The following DPP10 variants were observed in gnomAD, a reference collection of about 807,000 sequenced individuals.
The protein encoded by DPP10 is dipeptidyl peptidase like 10.
In DPP10, 33 loss-of-function variants were observed where a neutral mutation model predicts 120.9. The ratio of observed to expected loss-of-function variants is 0.27; its 90% CI spans 0.21 to 0.37. DPP10 has a LOEUF of 0.37. Among genes scored for constraint, DPP10 ranks in the 10% least tolerant of loss-of-function variants. The pLI, the probability that DPP10 is intolerant of heterozygous loss-of-function variation, is 1.00. For missense variants in DPP10, 816 were observed against 942.8 expected, an observed-to-expected ratio of 0.87 and a Z score of 1.76; for synonymous variants, 337 against 326.1, an observed-to-expected ratio of 1.03 and a Z score of -0.36.
At chr2:114,735,287 A>G (rs1247124501) in intron 1 of DPP10, among the ~76,000 whole-genome samples, 1 of 152,218 alleles carries the variant, frequency 6.6e-6, no homozygotes, top group East Asian at 1.9e-4. Context: ...AAGTATTACA[A>G]GAACACCACC....
chr2:115,295,877 A>C (rs1181520709), intron 1 of DPP10, among the ~76,000 whole-genome samples: 1 of 152,150 alleles, frequency 6.6e-6, no homozygotes, highest in Non-Finnish European at 1.5e-5. Context: ...TCAAGGCAGA[A>C]TAAAAATGTT....
At chr2:115,140,368 G>C (rs1356708679) in intron 1 of DPP10, among the ~76,000 whole-genome samples, 2 of 152,186 alleles carry the variant, frequency 1.3e-5, no homozygotes, top group Non-Finnish European at 2.9e-5. Context: ...TGAGGCTGCA[G>C]GGCTGTGGGC....
intron 3 of DPP10, among the ~76,000 whole-genome samples, chr2:115,385,296 C>A (rs2066844987): frequency 6.6e-6 from 1 of 151,780 alleles, no homozygotes; most frequent in Non-Finnish European, 1.5e-5. Context: ...CTGAGTCCTT[C>A]TTCAGTCGAT....
At chr2:115,387,152 T>C (rs996973582) in intron 3 of DPP10, among the ~76,000 whole-genome samples, 1 of 151,902 alleles carries the variant, frequency 6.6e-6, no homozygotes, top group African/African-American at 2.4e-5. Context: ...TTCTGTGCTC[T>C]GAGGAGGGGG....
chr2:115,675,265 A>G (rs2090167833), intron 5 of DPP10, among the ~76,000 whole-genome samples: 1 of 152,188 alleles, frequency 6.6e-6, no homozygotes, highest in Non-Finnish European at 1.5e-5. Context: ...GTTATAATGC[A>G]GACTTTGACG....
At chr2:115,591,747 G>C (rs1175073108) in intron 5 of DPP10, among the ~76,000 whole-genome samples, 1 of 152,150 alleles carries the variant, frequency 6.6e-6, no homozygotes, top group Non-Finnish European at 1.5e-5. Flanking sequence ...ATCTTGGGCA[G>C]TATGGCCATT....
chr2:114,787,440 G>A (rs532830959), intron 1 of DPP10, among the ~76,000 whole-genome samples: 4 of 152,162 alleles, frequency 2.6e-5, no homozygotes, highest in Non-Finnish European at 4.4e-5. Context: ...GGAGAATTTT[G>A]AGCAGGGAGG....
intron 5 of DPP10, among the ~76,000 whole-genome samples, chr2:115,624,148 G>T (rs1292571548): frequency 6.6e-6 from 1 of 152,126 alleles, no homozygotes; most frequent in Non-Finnish European, 1.5e-5. Context: ...GGAGAAGAAA[G>T]TTCAAGGAAA....
intron 5 of DPP10, among the ~76,000 whole-genome samples, chr2:115,674,331 A>G (rs2090116056): frequency 6.6e-6 from 1 of 152,058 alleles, no homozygotes; most frequent in African/African-American, 2.4e-5. Context: ...GGCTTTTGGA[A>G]TCAAGCACAA....
rs140467187 is a variant in DPP10, at chr2:115,112,935, G to A, written c.61-196304G>A. On this transcript the variant is annotated intron_variant, in intron 1 of 25. Transcript: ENST00000410059. ...TATGCTTCCCCATTCTGGTATTTTC[G>A]TTCACATTTGGTTCATATGTTTGGT... is the stretch of plus-strand genomic sequence containing the variant. 1.7e-4 allele frequency among the ~76,000 whole-genome samples: 26 copies of A among 151,952 alleles called. 3 individuals are homozygous for A. The highest frequency in any genetic ancestry group is 5.3e-4 in the African/African-American group (22 of 41,420).
chr2:115,286,527 A>ATATATATATATATATATATATATATATAT (rs2060403298), intron 1 of DPP10, among the ~76,000 whole-genome samples: 2 of 5,956 alleles, frequency 3.4e-4, no homozygotes, highest in Admixed American at 4.7e-3. Flanking sequence ...TATATATATA[A>ATATATATATATATATATATATATATATAT]TATATATATA....
intron 3 of DPP10, among the ~76,000 whole-genome samples, chr2:115,349,532 A>G (rs746874722): frequency 7.9e-5 from 12 of 152,120 alleles, no homozygotes; most frequent in East Asian, 3.9e-4. Flanking sequence ...GTAGCGATTC[A>G]TAGAACTGAT....
chr2:114,792,222 C>T (rs994299161), intron 1 of DPP10, among the ~76,000 whole-genome samples: 7 of 152,006 alleles, frequency 4.6e-5, no homozygotes, highest in South Asian at 2.1e-4. Flanking sequence ...GGGAATATAA[C>T]GCATGGAGCA....
chr2:114,971,914 G>A (rs371667856), intron 1 of DPP10, among the ~76,000 whole-genome samples: 2 of 152,036 alleles, frequency 1.3e-5, no homozygotes, highest in African/African-American at 4.8e-5. Flanking sequence ...AATGACCAAG[G>A]CACCCCCAGG....
intron 3 of DPP10, among the ~76,000 whole-genome samples, chr2:115,399,653 T>C (rs2067922571): frequency 6.6e-6 from 1 of 152,198 alleles, no homozygotes; most frequent in African/African-American, 2.4e-5. Context: ...TATTAATTTA[T>C]ATGCTTAAAG....
chr2:114,793,519 A>G (rs1683431611), intron 1 of DPP10, among the ~76,000 whole-genome samples: 2 of 152,200 alleles, frequency 1.3e-5, no homozygotes, highest in South Asian at 4.1e-4. Flanking sequence ...CACCTAAAAA[A>G]CAGATATTAA....
intron 5 of DPP10, among the ~76,000 whole-genome samples, chr2:115,667,093 C>T (rs1296401148): frequency 6.6e-6 from 1 of 152,104 alleles, no homozygotes. Context: ...ATTTGCTTTT[C>T]TCTAATGATT....
chr2:115,486,947 T>A (rs542224686), intron 3 of DPP10, among the ~76,000 whole-genome samples: 2 of 152,208 alleles, frequency 1.3e-5, no homozygotes, highest in South Asian at 4.1e-4. Flanking sequence ...CCACAAGAAT[T>A]AATAATGATT....
intron 1 of DPP10, among the ~76,000 whole-genome samples, chr2:115,179,008 T>C (rs771992596): frequency 6.6e-6 from 1 of 152,192 alleles, no homozygotes; most frequent in Admixed American, 6.5e-5. Flanking sequence ...CATATGTTAA[T>C]GGGGATCTTA....
Sources: allele counts gnomAD v4.1 joint callset (sites outside exome capture counted in the v4.1 genomes callset), GRCh38; gene constraint gnomAD v4.1.1; transcripts MANE v1.5; gene names NCBI Gene and HGNC (gene_info 2026-07-23, HGNC 2026-07-21).